The following CLUAP1 variants were observed in gnomAD, a reference collection of about 807,000 sequenced individuals.
The protein encoded by CLUAP1 is clusterin-associated protein 1.
In CLUAP1, 50 loss-of-function variants were observed where a neutral mutation model predicts 55.0. That is an observed-to-expected ratio of 0.91 (90% CI 0.72 to 1.15). The LOEUF is 1.15. CLUAP1 is among the 50% of genes most tolerant of loss of function. CLUAP1 has a pLI of 0.00. For missense variants in CLUAP1, 530 were observed against 507.6 expected (o/e 1.04, Z -0.42); for synonymous variants, 195 against 175.4 (o/e 1.11, Z -0.88).
chr16:3,515,988 C>T (rs1227306555), intron 6 of CLUAP1, among the ~76,000 whole-genome samples: 3 of 152,314 alleles, frequency 2.0e-5, no homozygotes, highest in Admixed American at 2.0e-4. Flanking sequence ...TGCTCGCTCA[C>T]ATCAGTTATC....
chr16:3,499,941 G>C (rs1390840478), upstream of CLUAP1, among the ~76,000 whole-genome samples: 1 of 152,232 alleles, frequency 6.6e-6, no homozygotes, highest in Non-Finnish European at 1.5e-5. Flanking sequence ...TGTCCACCTA[G>C]GCTGGCATAA....
chr16:3,496,374 AC>A (rs2037309886), upstream of CLUAP1: 1 of 1,130,616 alleles, frequency 8.8e-7, no homozygotes, highest in Non-Finnish European at 1.3e-6. Context: ...AGTCGCACCA[AC>A]CGGCCACCTC....
chr16:3,509,640 T>C (rs1467609195), intron 4 of CLUAP1, among the ~76,000 whole-genome samples: 1 of 152,056 alleles, frequency 6.6e-6, no homozygotes, highest in Non-Finnish European at 1.5e-5. Context: ...GCAGGAGACC[T>C]AGGAATGAAG....
In CLUAP1 at chr16:3,504,756, G is replaced by A. The variant is rs1447923293; in HGVS notation, c.59G>A (p.Arg20Gln). 1.9e-6 allele frequency: 3 copies of A among 1,612,492 alleles called. No homozygotes were observed. Among genetic ancestry groups the A allele is most frequent in the Non-Finnish European group, 1.7e-6 (2 of 1,178,628 alleles). The change falls in exon 2 of 12, where the codon CGA (arginine) becomes CAA (glutamine). Residue 20 changes from arginine to glutamine, a missense_variant. Physicochemically the swap from Arg to Gln is conservative, Grantham distance 43 (BLOSUM62 1). Coordinates refer to ENST00000576634, the MANE Select transcript of CLUAP1 (RefSeq NM_015041.3). ...ATGATGAGAGCCCTGGGATACCCTC[G>A]ACATATTTCTATGGAAAATTTCCGT... Reference protein sequence around the residue: ...TEMMRALGYPRHISMENFRTP... With the variant: ...TEMMRALGYPQHISMENFRTP...
chr16:3,511,914 C>T (rs1009026000), intron 4 of CLUAP1, among the ~76,000 whole-genome samples: 4 of 151,624 alleles, frequency 2.6e-5, no homozygotes, highest in Non-Finnish European at 4.4e-5. Context: ...TGGCCGGGCA[C>T]GGTGGCTCAC....
At chr16:3,523,434 G>T in intron 8 of CLUAP1, 135 bp downstream of exon 8, 2 of 1,054,990 alleles carry the variant, frequency 1.9e-6, no homozygotes, top group Non-Finnish European at 2.7e-6. Flanking sequence ...TCTGAGGATT[G>T]CTCATGTAAT....
intron 6 of CLUAP1, 38 bp downstream of exon 6, chr16:3,515,629 C>A: frequency 7.2e-7 from 1 of 1,388,018 alleles, no homozygotes; most frequent in Non-Finnish European, 1.0e-6. Context: ...TTTTTTATGC[C>A]TGGGATTCAA....
At chr16:3,531,285 C>T (rs1042640285) in intron 10 of CLUAP1, among the ~76,000 whole-genome samples, 2 of 152,128 alleles carry the variant, frequency 1.3e-5, no homozygotes, top group Non-Finnish European at 2.9e-5. Context: ...CTTTGGGAGG[C>T]CAAGGCGGGT....
chr16:3,522,691 C>T (rs1395165180), intron 7 of CLUAP1, among the ~76,000 whole-genome samples: 2 of 152,072 alleles, frequency 1.3e-5, no homozygotes, highest in Non-Finnish European at 2.9e-5. Flanking sequence ...GCTAGGGTTA[C>T]AGGTGTGAGC....
intron 3 of CLUAP1, among the ~76,000 whole-genome samples, chr16:3,507,300 C>T (rs986630095): frequency 6.6e-6 from 1 of 151,766 alleles, no homozygotes; most frequent in Non-Finnish European, 1.5e-5. Context: ...TGCCTGTAAT[C>T]CTAGCACTTT....
chr16:3,520,298 G>C (rs2151057576), intron 7 of CLUAP1, among the ~76,000 whole-genome samples: 1 of 152,166 alleles, frequency 6.6e-6, no homozygotes, highest in African/African-American at 2.4e-5. Flanking sequence ...CTTGAGCCCA[G>C]GAGGTTGAGG....
intron 6 of CLUAP1, among the ~76,000 whole-genome samples, chr16:3,515,793 C>G (rs1379827437): frequency 2.0e-5 from 3 of 152,100 alleles, no homozygotes; most frequent in Non-Finnish European, 4.4e-5. Context: ...AAAACAGCTT[C>G]TCATGTTATT....
intron 6 of CLUAP1, among the ~76,000 whole-genome samples, chr16:3,516,584 A>G (rs1351410246): frequency 6.6e-6 from 1 of 152,226 alleles, no homozygotes; most frequent in Non-Finnish European, 1.5e-5. Flanking sequence ...AGAGAAAATT[A>G]GGGTGAACTT....
intron 4 of CLUAP1, among the ~76,000 whole-genome samples, chr16:3,511,105 G>T (rs1348912273): frequency 6.6e-6 from 1 of 152,214 alleles, no homozygotes; most frequent in East Asian, 1.9e-4. Flanking sequence ...TGCTCGGAAG[G>T]GAAGAAAAGC....
Position 3,530,750 on chromosome 16 carries a change from C to T in CLUAP1, c.1036+75C>T, listed in dbSNP as rs1011002286. The stretch of plus-strand genomic sequence containing the variant: ...AACACCTGGCCAGGACTGGGGCAGG[C>T]TGCTTAGTATTGAGGCCCACAAGCG... On this transcript the variant is annotated intron_variant, in intron 10 of 11. Transcript: ENST00000576634. 6 of 1,190,110 alleles carry T rather than the reference C, an allele frequency of 5.0e-6. No individual in the cohort carries two copies. The African/African-American group carries it at 6.0e-5, about 12-fold the overall frequency. 73.7% of individuals were successfully genotyped at this position (1,190,110 alleles called of 1,614,324 possible).
At chr16:3,499,100 A>C (rs2037341248), upstream of CLUAP1, among the ~76,000 whole-genome samples, 1 of 152,272 alleles carries the variant, frequency 6.6e-6, no homozygotes. Flanking sequence ...ACACGTAAAA[A>C]GATGTTCAAC....
chr16:3,521,756 G>A (rs772796004), intron 7 of CLUAP1, among the ~76,000 whole-genome samples: 9 of 149,820 alleles, frequency 6.0e-5, no homozygotes, highest in Non-Finnish European at 1.2e-4. Context: ...ATTTTTTATC[G>A]TTTAAAAACC....
upstream of CLUAP1, chr16:3,500,912 T>A (rs913722488): frequency 9.0e-6 from 7 of 777,754 alleles, no homozygotes; most frequent in African/African-American, 8.7e-5. Context: ...CCCGTGCGTA[T>A]GCACGTGCCG....
At chr16:3,502,911 G>T (rs1325876910) in intron 1 of CLUAP1, among the ~76,000 whole-genome samples, 2 of 152,222 alleles carry the variant, frequency 1.3e-5, no homozygotes, top group African/African-American at 4.8e-5. Context: ...AGCATTAACA[G>T]AACTTGACTA....
Sources: allele counts gnomAD v4.1 joint callset (sites outside exome capture counted in the v4.1 genomes callset), GRCh38; gene constraint gnomAD v4.1.1; transcripts MANE v1.5; gene names NCBI Gene and HGNC (gene_info 2026-07-23, HGNC 2026-07-21).